Variants in PUDP observed in about 807,000 individuals in gnomAD.
PUDP encodes pseudouridine-5'-phosphatase.
Under a neutral mutation model 9.4 loss-of-function variants are expected in PUDP, and 8 were observed. The observed-to-expected ratio is 0.85, with a 90% CI of 0.50 to 1.53. The LOEUF is 1.53. PUDP is among the 40% of genes most tolerant of loss of function. The pLI, the probability that PUDP is intolerant of heterozygous loss-of-function variation, is 0.00. For synonymous variants in PUDP, 99 were observed against 80.7 expected (o/e 1.23, Z -1.22); for missense variants, 188 against 189.7 (o/e 0.99, Z 0.05).
At chrX:6,841,087 G>A (rs986513174) in intron 3 of PUDP, among the ~76,000 whole-genome samples, 1 of 110,289 alleles carries the variant, frequency 9.1e-6, no homozygotes, top group African/African-American at 3.3e-5. Context: ...GACCAGCCCG[G>A]CCAATATTGT....
At chrX:6,875,027 C>A (rs1165555702) in intron 3 of PUDP, among the ~76,000 whole-genome samples, 1 of 111,854 alleles carries the variant, frequency 8.9e-6, no homozygotes, top group African/African-American at 3.2e-5. Context: ...TTGTGCCCTG[C>A]AAAATCAAAT....
chrX:6,978,920 T>C (rs1928993837), intron 1 of PUDP, among the ~76,000 whole-genome samples: 1 of 112,068 alleles, frequency 8.9e-6, no homozygotes, highest in African/African-American at 3.2e-5. Flanking sequence ...CTAACACTAA[T>C]AGAATCCTTG....
chrX:6,947,089 C>T (rs897744855), intron 3 of PUDP, among the ~76,000 whole-genome samples: 2 of 108,555 alleles, frequency 1.8e-5, no homozygotes, highest in African/African-American at 6.7e-5. Context: ...CAACCTCCGC[C>T]TCCTGGGTTC....
chrX:6,936,908 G>A (rs1185938461), intron 3 of PUDP, among the ~76,000 whole-genome samples: 1 of 86,617 alleles, frequency 1.2e-5, no homozygotes, highest in Non-Finnish European at 2.2e-5. Flanking sequence ...AAAATACCTA[G>A]GAATCCAACT....
chrX:6,738,527 T>C (rs2146663942), intron 3 of PUDP, among the ~76,000 whole-genome samples: 1 of 111,844 alleles, frequency 8.9e-6, no homozygotes, highest in Non-Finnish European at 1.9e-5. Context: ...TACCCTTAGA[T>C]TTTTCCTAAA....
At chrX:6,851,968 T>C (rs952669312) in intron 3 of PUDP, among the ~76,000 whole-genome samples, 7 of 112,680 alleles carry the variant, frequency 6.2e-5, no homozygotes, top group Middle Eastern at 4.7e-3. Context: ...AGGGTGTTTC[T>C]GAAGAATGAA....
intron 2 of PUDP, among the ~76,000 whole-genome samples, chrX:7,078,187 T>A (rs994091326): frequency 3.6e-5 from 4 of 112,625 alleles, no homozygotes; most frequent in African/African-American, 1.3e-4. Flanking sequence ...ATGAGAGGAC[T>A]AGTTATCAGA....
At chrX:6,953,927 G>T (rs1928589148) in intron 3 of PUDP, among the ~76,000 whole-genome samples, 1 of 110,732 alleles carries the variant, frequency 9.0e-6, no homozygotes, top group African/African-American at 3.3e-5. Context: ...GAATCATGAG[G>T]GTGGTTATCT....
intron 3 of PUDP, among the ~76,000 whole-genome samples, chrX:6,743,704 C>T (rs866810271): frequency 2.4e-4 from 27 of 111,750 alleles, no homozygotes; most frequent in Non-Finnish European, 2.1e-4. Context: ...CTCCACCACA[C>T]ATTTGCCATG....
chrX:6,741,676 TTGAC>T (rs1223127657), intron 3 of PUDP, among the ~76,000 whole-genome samples: 2 of 110,689 alleles, frequency 1.8e-5, no homozygotes, highest in Non-Finnish European at 3.8e-5. Flanking sequence ...GATAAGTTGA[TTGAC>T]TGATTTCATG....
intron 3 of PUDP, among the ~76,000 whole-genome samples, chrX:6,794,017 G>T (rs1925797375): frequency 8.9e-6 from 1 of 111,739 alleles, no homozygotes. Context: ...CAATGGAAAA[G>T]ACTATGGAAT....
chrX:6,724,525 A>C (rs772022583), upstream of PUDP, among the ~76,000 whole-genome samples: 3 of 104,422 alleles, frequency 2.9e-5, no homozygotes, highest in Admixed American at 1.0e-4. Flanking sequence ...AAAAAAAAGG[A>C]AGGAGGAAAG....
At chrX:6,852,938 C>G (rs1926849550) in intron 3 of PUDP, among the ~76,000 whole-genome samples, 1 of 111,464 alleles carries the variant, frequency 9.0e-6, no homozygotes. Flanking sequence ...ACCACTTTTA[C>G]AGTTGAATGC....
chrX:7,119,925 A>G (rs1193991127), intron 1 of PUDP, among the ~76,000 whole-genome samples: 1 of 112,268 alleles, frequency 8.9e-6, no homozygotes, highest in African/African-American at 3.2e-5. Flanking sequence ...GGTTTTATAC[A>G]TAGAACGCAA....
At chrX:6,719,400 C>A (rs1427816345) in intron 1 of PUDP, among the ~76,000 whole-genome samples, 1 of 112,054 alleles carries the variant, frequency 8.9e-6, no homozygotes, top group Non-Finnish European at 1.9e-5. Flanking sequence ...AGGGCTTCAA[C>A]ATATGAATTT....
At chrX:6,871,460 G>A (rs916101258) in intron 3 of PUDP, among the ~76,000 whole-genome samples, 4 of 111,878 alleles carry the variant, frequency 3.6e-5, no homozygotes, top group Non-Finnish European at 7.5e-5. Flanking sequence ...GAAACAGGAA[G>A]CCTTTTCATC....
At chrX:6,994,760 C>T (rs990179683) in intron 1 of PUDP, among the ~76,000 whole-genome samples, 2 of 111,419 alleles carry the variant, frequency 1.8e-5, no homozygotes, top group Non-Finnish European at 3.8e-5. Flanking sequence ...GTTTACTGAG[C>T]AGAAAAGAGT....
intron 3 of PUDP, among the ~76,000 whole-genome samples, chrX:6,975,811 C>A (rs1482718804): frequency 1.8e-5 from 2 of 112,265 alleles, no homozygotes; most frequent in African/African-American, 6.5e-5. Context: ...ACAGCCGCCC[C>A]TTCCCCCAGG....
chrX:6,893,597 T>C (rs1927546667), intron 3 of PUDP, among the ~76,000 whole-genome samples: 1 of 111,776 alleles, frequency 8.9e-6, no homozygotes, highest in African/African-American at 3.2e-5. Context: ...TATGGTAGTA[T>C]TTATGCATGC....
Sources: gnomAD v4.1 joint callset for allele counts (sites outside exome capture counted in the v4.1 genomes callset) on GRCh38, gnomAD v4.1.1 for gene constraint, MANE v1.5 for transcripts, NCBI Gene and HGNC (gene_info 2026-07-23, HGNC 2026-07-21) for gene names.